The following KCTD8 variants were observed in gnomAD, a reference collection of about 807,000 sequenced individuals.
KCTD8 encodes the protein BTB/POZ domain-containing protein KCTD8.
In KCTD8, 27 loss-of-function variants were observed where a neutral mutation model predicts 31.5. The observed-to-expected ratio is 0.86, with a 90% confidence interval of 0.63 to 1.18. The LOEUF (loss-of-function observed/expected upper bound fraction) is 1.18. Ranked by LOEUF, KCTD8 falls within the 50% of genes most tolerant of loss-of-function variation. The pLI is 0.00. For missense variants in KCTD8, 658 were observed against 647.7 expected (o/e 1.02, Z -0.17); for synonymous variants, 290 against 280.0 (o/e 1.04, Z -0.36).
chr4:44,250,959 C>T (rs933174269), intron 1 of KCTD8, among the ~76,000 whole-genome samples: 3 of 151,464 alleles, frequency 2.0e-5, no homozygotes, highest in Admixed American at 6.6e-5. Context: ...TTCATGGCTG[C>T]GTTTTTAAAT....
chr4:44,290,456 T>C (rs1349251301), intron 1 of KCTD8, among the ~76,000 whole-genome samples: 3 of 151,982 alleles, frequency 2.0e-5, no homozygotes, highest in Non-Finnish European at 4.4e-5. Flanking sequence ...AATTGAGCAA[T>C]TATACCTAAC....
chr4:44,357,104 C>G (rs1177714509), intron 1 of KCTD8, among the ~76,000 whole-genome samples: 1 of 149,376 alleles, frequency 6.7e-6, no homozygotes, highest in African/African-American at 2.5e-5. Flanking sequence ...AAAAAAAAAC[C>G]CTTCAAAACA....
intron 1 of KCTD8, among the ~76,000 whole-genome samples, chr4:44,345,825 G>C (rs1163755494): frequency 6.6e-6 from 1 of 151,910 alleles, no homozygotes; most frequent in Non-Finnish European, 1.5e-5. Context: ...TAGAACTGGG[G>C]AGAATACAGG....
At chr4:44,243,026 A>C (rs1204997984) in intron 1 of KCTD8, among the ~76,000 whole-genome samples, 1 of 152,204 alleles carries the variant, frequency 6.6e-6, no homozygotes, top group Non-Finnish European at 1.5e-5. Context: ...CAGCGTAAGA[A>C]TCACCTAATA....
intron 1 of KCTD8, among the ~76,000 whole-genome samples, chr4:44,416,461 C>G (rs1265787047): frequency 6.6e-6 from 1 of 152,154 alleles, no homozygotes; most frequent in Non-Finnish European, 1.5e-5. Flanking sequence ...GGATATGCAT[C>G]TCCTCCAAAT....
At chr4:44,338,421 A>G (rs1392061780) in intron 1 of KCTD8, among the ~76,000 whole-genome samples, 1 of 152,180 alleles carries the variant, frequency 6.6e-6, no homozygotes, top group Non-Finnish European at 1.5e-5. Flanking sequence ...TAGGAAAACT[A>G]TTCAGTAAAG....
rs775147119 is a variant in KCTD8, at chr4:44,448,047, C to G, written c.477G>C (p.Glu159Asp). ...TGTCCTCCAGGTCGCTCTGGCAGCC[C>G]TCGTCGTTGAGAGAGTTCTGCTTGG... ...KVTKQNSLND[E>D]GCQSDLEDNV... The change falls in exon 1 of 2, where the codon GAG (glutamate) becomes GAC (aspartate). Residue 159 changes from glutamate to aspartate, a missense_variant. Coordinates refer to ENST00000360029, the MANE Select transcript of KCTD8 (RefSeq NM_198353.3). The surrounding 1 kb of genome is among the most constrained non-coding windows in gnomAD (Gnocchi z 4.1). 2 of 1,611,302 alleles carry G rather than the reference C, an allele frequency of 1.2e-6. No homozygotes were observed. The highest frequency in any genetic ancestry group is 2.2e-5 in the South Asian group (2 of 90,724).
intron 1 of KCTD8, among the ~76,000 whole-genome samples, chr4:44,284,240 G>A (rs950112910): frequency 6.6e-6 from 1 of 151,504 alleles, no homozygotes; most frequent in Non-Finnish European, 1.5e-5. Flanking sequence ...TACTACAAGG[G>A]TACAGTAACC....
intron 1 of KCTD8, among the ~76,000 whole-genome samples, chr4:44,354,754 C>T (rs1577632682): frequency 6.6e-6 from 1 of 152,022 alleles, no homozygotes; most frequent in African/African-American, 2.4e-5. Flanking sequence ...TTGTAAGCAC[C>T]ATGCTGTGTT....
intron 1 of KCTD8, among the ~76,000 whole-genome samples, chr4:44,317,157 TAATATA>T (rs1319273523): frequency 2.0e-5 from 3 of 151,160 alleles, no homozygotes; most frequent in African/African-American, 4.8e-5. Flanking sequence ...CAGCAGGAGT[TAATATA>T]TCTAACAAAG....
intron 1 of KCTD8, among the ~76,000 whole-genome samples, chr4:44,314,956 C>T (rs1718065777): frequency 6.7e-6 from 1 of 149,972 alleles, no homozygotes; most frequent in African/African-American, 2.4e-5. Context: ...ATCTTTTACT[C>T]TTTAGGACAT....
intron 1 of KCTD8, among the ~76,000 whole-genome samples, chr4:44,330,734 A>G (rs1439087612): frequency 1.3e-5 from 2 of 151,978 alleles, no homozygotes; most frequent in African/African-American, 4.8e-5. Flanking sequence ...TAAATGAAGT[A>G]CTATATGTAA....
At chr4:44,361,816 T>C (rs530479689) in intron 1 of KCTD8, among the ~76,000 whole-genome samples, 4 of 152,226 alleles carry the variant, frequency 2.6e-5, no homozygotes, top group East Asian at 3.9e-4. Context: ...TTTCTTTGTG[T>C]CTGATGTAGT....
At chr4:44,277,516 C>G (rs1379135445) in intron 1 of KCTD8, among the ~76,000 whole-genome samples, 1 of 151,804 alleles carries the variant, frequency 6.6e-6, no homozygotes. Flanking sequence ...CAAAAAACAG[C>G]TACACGGAGT....
At chr4:44,266,814 T>C (rs142769159) in intron 1 of KCTD8, among the ~76,000 whole-genome samples, 18,135 of 151,678 alleles carry the variant, frequency 0.12, 1,295 homozygotes, top group East Asian at 0.24. Context: ...TACATAATGG[T>C]AAAGGGATCA....
intron 1 of KCTD8, among the ~76,000 whole-genome samples, chr4:44,220,244 T>C (rs1714770074): frequency 6.6e-6 from 1 of 152,186 alleles, no homozygotes; most frequent in African/African-American, 2.4e-5. Context: ...ACAGTGATGA[T>C]GAAAGATTTG....
chr4:44,305,327 G>A (rs1009969786), intron 1 of KCTD8, among the ~76,000 whole-genome samples: 1 of 151,426 alleles, frequency 6.6e-6, no homozygotes, highest in Admixed American at 6.6e-5. Flanking sequence ...TTAAAGTTGG[G>A]TTGCTTCCTG....
intron 1 of KCTD8, among the ~76,000 whole-genome samples, chr4:44,427,901 C>T (rs1721386539): frequency 1.3e-5 from 2 of 151,692 alleles, no homozygotes; most frequent in African/African-American, 4.8e-5. Flanking sequence ...CAAGAGTATT[C>T]CAAATGATTA....
intron 1 of KCTD8, among the ~76,000 whole-genome samples, chr4:44,441,714 A>T (rs1721815029): frequency 6.6e-6 from 1 of 152,236 alleles, no homozygotes; most frequent in Admixed American, 6.5e-5. Flanking sequence ...TTCTAATTGA[A>T]CTATTAGGGA....
Sources: gnomAD v4.1 joint callset for allele counts (sites outside exome capture counted in the v4.1 genomes callset) on GRCh38, gnomAD v4.1.1 for gene constraint, Gnocchi (gnomAD v3.1) non-coding constraint, MANE v1.5 for transcripts, NCBI Gene and HGNC (gene_info 2026-07-23, HGNC 2026-07-21) for gene names.